NKAIN3: variants seen among roughly 807,000 people sequenced by gnomAD.
NKAIN3 encodes sodium/potassium-transporting ATPase subunit beta-1-interacting protein 3.
NKAIN3 carries 25 observed loss-of-function variants against 30.2 expected under a neutral mutation model. That is an observed-to-expected ratio of 0.83 (90% CI 0.60 to 1.16). NKAIN3 has a LOEUF of 1.16. Ranked by LOEUF, NKAIN3 falls within the 50% of genes most tolerant of loss-of-function variation. NKAIN3 has a pLI of 0.00. For missense variants in NKAIN3, 225 were observed against 254.1 expected (o/e 0.89, Z 0.78); for synonymous variants, 91 against 89.6 (o/e 1.02, Z -0.09).
intron 5 of NKAIN3, among the ~76,000 whole-genome samples, chr8:62,991,506 A>G (rs1279091315): frequency 6.6e-6 from 1 of 152,252 alleles, no homozygotes; most frequent in Non-Finnish European, 1.5e-5. Flanking sequence ...AGAGCAAAGT[A>G]TGTGCTTGCT....
intron 5 of NKAIN3, among the ~76,000 whole-genome samples, chr8:62,995,017 G>T (rs1218630589): frequency 6.6e-6 from 1 of 152,126 alleles, no homozygotes; most frequent in Non-Finnish European, 1.5e-5. Flanking sequence ...ACCTAAAGTA[G>T]ACTAATCCAG....
intron 1 of NKAIN3, among the ~76,000 whole-genome samples, chr8:62,448,618 T>A (rs972632881): frequency 6.6e-6 from 1 of 151,820 alleles, no homozygotes; most frequent in Non-Finnish European, 1.5e-5. Context: ...TAACATCAGA[T>A]ATTCTAAAGG....
intron 4 of NKAIN3, among the ~76,000 whole-genome samples, chr8:62,834,412 T>C (rs1586249135): frequency 6.6e-6 from 1 of 152,260 alleles, no homozygotes; most frequent in Admixed American, 6.5e-5. Flanking sequence ...AATATGATTC[T>C]ATACCTAGAA....
chr8:62,527,806 C>A (rs1006457058), intron 1 of NKAIN3, among the ~76,000 whole-genome samples: 1 of 151,664 alleles, frequency 6.6e-6, no homozygotes, highest in Non-Finnish European at 1.5e-5. Flanking sequence ...CCTAAAGATT[C>A]TTCCTAGGTC....
chr8:62,467,888 C>T (rs1806211338), intron 1 of NKAIN3, among the ~76,000 whole-genome samples: 1 of 152,116 alleles, frequency 6.6e-6, no homozygotes, highest in Admixed American at 6.6e-5. Context: ...CCCACCTCAG[C>T]CTCTCAAGCA....
chr8:62,341,319 A>G (rs1009882385), intron 1 of NKAIN3, among the ~76,000 whole-genome samples: 1 of 152,080 alleles, frequency 6.6e-6, no homozygotes. Context: ...CAAGAAGGTG[A>G]TATGAGTTCC....
chr8:62,863,568 T>A lies in NKAIN3; in HGVS notation c.472-54885T>A, dbSNP rs995707375. 8.5e-6 allele frequency: 10 copies of A among 1,176,008 alleles called. No individual in the cohort carries two copies. In the African/African-American group the frequency reaches 1.5e-4, roughly 18 times the overall value. The allele number at this position is 1,176,008 out of a possible 1,614,324, so 72.8% of individuals were successfully genotyped here. ...TGGTGGCCAAGTACTCCCAAGACCATGCAGACATGTATCCCATTCATGCCT... is the reference window on the plus strand; with the variant it reads ...TGGTGGCCAAGTACTCCCAAGACCAAGCAGACATGTATCCCATTCATGCCT... On this transcript the variant is annotated intron_variant, in intron 4 of 6. Coordinates refer to ENST00000623646, the MANE Select transcript of NKAIN3 (RefSeq NM_001304533.3).
intron 1 of NKAIN3, among the ~76,000 whole-genome samples, chr8:62,280,586 G>T (rs1053313076): frequency 6.6e-6 from 1 of 152,068 alleles, no homozygotes; most frequent in African/African-American, 2.4e-5. Context: ...TAGCATGAAG[G>T]GCTATTGAAT....
chr8:62,698,526 C>A (rs553605425), intron 3 of NKAIN3, among the ~76,000 whole-genome samples: 2 of 152,234 alleles, frequency 1.3e-5, no homozygotes, highest in East Asian at 3.9e-4. Flanking sequence ...TTATGAGTCA[C>A]CTTAAGATCA....
chr8:62,563,019 G>T lies in NKAIN3; in HGVS notation c.55-16520G>T, dbSNP rs571462627. On this transcript the variant is annotated intron_variant, in intron 1 of 6. Coordinates refer to ENST00000623646, the MANE Select transcript of NKAIN3 (RefSeq NM_001304533.3). ...ATGGTAGCTGTGTTCCTGCCAGCTTGTTTGTGGGATTGTGTGGGTCACCTA... is the reference window on the plus strand; with the variant it reads ...ATGGTAGCTGTGTTCCTGCCAGCTTTTTTGTGGGATTGTGTGGGTCACCTA... 2.6e-3 allele frequency among the ~76,000 whole-genome samples: 390 copies of T among 152,184 alleles called. 2 individuals carry two copies. The highest frequency in any genetic ancestry group is 4.0e-3 in the Non-Finnish European group (273 of 68,018).
chr8:62,607,624 T>C (rs1039144962), intron 3 of NKAIN3, among the ~76,000 whole-genome samples: 5 of 152,196 alleles, frequency 3.3e-5, no homozygotes, highest in Admixed American at 2.0e-4. Flanking sequence ...AATCCACTTT[T>C]TATTAGTGTA....
chr8:62,951,554 G>A (rs1310291419), intron 5 of NKAIN3, among the ~76,000 whole-genome samples: 1 of 152,060 alleles, frequency 6.6e-6, no homozygotes, highest in Non-Finnish European at 1.5e-5. Flanking sequence ...TGCCCTGTGG[G>A]CTCAAACTAT....
intron 3 of NKAIN3, among the ~76,000 whole-genome samples, chr8:62,656,150 A>T (rs533725196): frequency 1.3e-5 from 2 of 152,060 alleles, no homozygotes; most frequent in Non-Finnish European, 2.9e-5. Flanking sequence ...ACCTTTCAGG[A>T]GCCGATTTTG....
intron 2 of NKAIN3, among the ~76,000 whole-genome samples, chr8:62,584,386 AT>A (rs1382504909): frequency 2.0e-5 from 3 of 152,196 alleles, no homozygotes; most frequent in Non-Finnish European, 4.4e-5. Flanking sequence ...ATTTACTGCC[AT>A]TTTGGACAAG....
intron 2 of NKAIN3, among the ~76,000 whole-genome samples, chr8:62,580,327 T>C (rs188984836): frequency 2.6e-5 from 4 of 152,326 alleles, no homozygotes; most frequent in Admixed American, 2.6e-4. Flanking sequence ...ATGGAAGTTA[T>C]TCACAGTAAT....
chr8:62,369,762 GT>G (rs941571134), intron 1 of NKAIN3, among the ~76,000 whole-genome samples: 109 of 144,968 alleles, frequency 7.5e-4, no homozygotes, highest in Admixed American at 3.7e-3. Flanking sequence ...CAAGTCTGTT[GT>G]TTTTTTTTTT....
chr8:62,947,272 A>G (rs933817077), intron 5 of NKAIN3, among the ~76,000 whole-genome samples: 1 of 152,200 alleles, frequency 6.6e-6, no homozygotes, highest in African/African-American at 2.4e-5. Context: ...TCACTGAGGC[A>G]GCAAACACTT....
At position 62,331,163 on chromosome 8, in the gene NKAIN3, C is replaced by A. The variant is rs373847257; in HGVS notation, c.54+82036C>A. ...CTCTTCCACCCCCTCTTCCTCCCCC[C>A]CAAAGCCCTATTGTATAGCCATATT... On this transcript the variant is annotated intron_variant, in intron 1 of 6. Transcript: ENST00000623646. Among the ~76,000 whole-genome samples, 13 of 148,420 alleles carry A rather than the reference C, an allele frequency of 8.8e-5. No individual in the cohort carries two copies. The East Asian group carries it at 2.0e-3, about 23-fold the overall frequency.
chr8:62,282,326 A>T (rs892506140), intron 1 of NKAIN3, among the ~76,000 whole-genome samples: 1 of 152,066 alleles, frequency 6.6e-6, no homozygotes, highest in Non-Finnish European at 1.5e-5. Flanking sequence ...ATGCCTGCAC[A>T]CCTCTGTGTG....
Sources: gnomAD v4.1 joint callset for allele counts (sites outside exome capture counted in the v4.1 genomes callset) on GRCh38, gnomAD v4.1.1 for gene constraint, MANE v1.5 for transcripts, NCBI Gene and HGNC (gene_info 2026-07-23, HGNC 2026-07-21) for gene names.